Variants in TAFA2 observed in about 807,000 individuals in gnomAD.
The protein encoded by TAFA2 is TAFA chemokine like family member 2.
In TAFA2, 7 loss-of-function variants were observed where a neutral mutation model predicts 18.8. That is an observed-to-expected ratio of 0.37 (90% CI 0.21 to 0.70). The LOEUF (loss-of-function observed/expected upper bound fraction) is 0.70. Ranked by LOEUF, TAFA2 falls within the 30% of genes least tolerant of loss-of-function variation. The pLI is 0.53. For synonymous variants in TAFA2, 60 were observed against 54.2 expected (o/e 1.11, Z -0.47); for missense variants, 122 against 158.1 (o/e 0.77, Z 1.23).
intron 2 of TAFA2, among the ~76,000 whole-genome samples, chr12:61,832,523 C>G (rs1390831957): frequency 6.6e-6 from 1 of 152,042 alleles, no homozygotes; most frequent in Non-Finnish European, 1.5e-5. Context: ...CAAGCCACCC[C>G]CACTAGGCTT....
intron 2 of TAFA2, among the ~76,000 whole-genome samples, chr12:61,769,843 C>A (rs181097187): frequency 6.6e-6 from 1 of 152,100 alleles, no homozygotes; most frequent in East Asian, 1.9e-4. Flanking sequence ...ATTAGCACCC[C>A]CAAAAGATCA....
chr12:62,125,244 C>T (rs1870402331), intron 1 of TAFA2, among the ~76,000 whole-genome samples: 1 of 151,978 alleles, frequency 6.6e-6, no homozygotes, highest in Non-Finnish European at 1.5e-5. Context: ...CTCTGGAGTC[C>T]TCACCCTTAG....
At chr12:62,131,815 TA>T (rs1164794529) in intron 1 of TAFA2, among the ~76,000 whole-genome samples, 1 of 152,016 alleles carries the variant, frequency 6.6e-6, no homozygotes, top group East Asian at 1.9e-4. Flanking sequence ...TTCAACCTAT[TA>T]AATAAGCCAA....
intron 1 of TAFA2, among the ~76,000 whole-genome samples, chr12:62,158,565 T>C (rs1027052487): frequency 3.9e-5 from 6 of 152,244 alleles, no homozygotes; most frequent in Admixed American, 6.5e-5. Flanking sequence ...CTAACTTTCC[T>C]AGACTAAGGA....
intron 4 of TAFA2, among the ~76,000 whole-genome samples, chr12:61,714,648 T>C (rs1468402455): frequency 6.6e-6 from 1 of 152,210 alleles, no homozygotes; most frequent in East Asian, 1.9e-4. Context: ...TGAAATTAGG[T>C]GAACTCAATT....
chr12:61,889,782 T>C (rs1007053791), intron 1 of TAFA2, among the ~76,000 whole-genome samples: 4 of 152,228 alleles, frequency 2.6e-5, no homozygotes, highest in African/African-American at 9.6e-5. Flanking sequence ...TTCTGTCATT[T>C]AGAGACTTTT....
intron 1 of TAFA2, among the ~76,000 whole-genome samples, chr12:62,094,117 G>C (rs150889238): frequency 0.013 from 2,036 of 152,160 alleles, 19 homozygotes; most frequent in Middle Eastern, 0.027. Context: ...GACACTAGAA[G>C]CTAATGTTCC....
intron 1 of TAFA2, among the ~76,000 whole-genome samples, chr12:62,011,631 GC>G (rs1274206702): frequency 6.6e-6 from 1 of 151,774 alleles, no homozygotes; most frequent in Admixed American, 6.6e-5. Flanking sequence ...AGGGACCTCT[GC>G]CTAGGAAAAC....
At chr12:61,755,181 G>T (rs1355203558) in intron 2 of TAFA2, among the ~76,000 whole-genome samples, 157 bp from the exon 3 acceptor site, 1 of 152,062 alleles carries the variant, frequency 6.6e-6, no homozygotes, top group East Asian at 1.9e-4. Context: ...ATGCAGATTT[G>T]ATTTCTTTTC....
intron 1 of TAFA2, among the ~76,000 whole-genome samples, chr12:62,069,267 A>G (rs1882567357): frequency 6.6e-6 from 1 of 152,200 alleles, no homozygotes; most frequent in African/African-American, 2.4e-5. Flanking sequence ...GGGGCAGGAA[A>G]GAATCAAAAC....
intron 1 of TAFA2, among the ~76,000 whole-genome samples, chr12:62,207,841 G>A (rs2062698499): frequency 6.6e-6 from 1 of 152,172 alleles, no homozygotes; most frequent in Admixed American, 6.5e-5. Context: ...AGAGTATCTA[G>A]GTATGAAAGA....
chr12:61,971,394 G>A (rs538123697), intron 1 of TAFA2, among the ~76,000 whole-genome samples: 1 of 151,704 alleles, frequency 6.6e-6, no homozygotes, highest in East Asian at 1.9e-4. Flanking sequence ...GTTAAATGAC[G>A]AGTTAATGGG....
chr12:61,799,110 T>C (rs1308551272), intron 2 of TAFA2, among the ~76,000 whole-genome samples: 1 of 152,244 alleles, frequency 6.6e-6, no homozygotes, highest in East Asian at 1.9e-4. Flanking sequence ...TATCAACTTT[T>C]GTGATTAAAA....
intron 1 of TAFA2, among the ~76,000 whole-genome samples, chr12:62,011,576 C>T (rs1043890751): frequency 2.0e-5 from 3 of 152,048 alleles, no homozygotes; most frequent in Admixed American, 1.3e-4. Context: ...CATCACCACT[C>T]CCTAATCTCA....
chr12:61,960,477 T>C (rs1031371656), intron 1 of TAFA2, among the ~76,000 whole-genome samples: 3 of 152,112 alleles, frequency 2.0e-5, no homozygotes, highest in Admixed American at 6.6e-5. Context: ...ACTAAGTTTA[T>C]AGTGACTCAT....
At chr12:62,168,965 C>A (rs1297070795) in intron 1 of TAFA2, among the ~76,000 whole-genome samples, 1 of 151,828 alleles carries the variant, frequency 6.6e-6, no homozygotes, top group Non-Finnish European at 1.5e-5. Flanking sequence ...CACACACACA[C>A]ACACACATAT....
At chr12:62,139,936 C>T (rs1255238701) in intron 1 of TAFA2, 2 of 152,132 alleles carry the variant, frequency 1.3e-5, no homozygotes, top group Admixed American at 6.5e-5. Flanking sequence ...ACTCAATAAA[C>T]ATTGGTTTCT....
At chr12:61,845,953 G>C (rs1873386377) in intron 2 of TAFA2, among the ~76,000 whole-genome samples, 2 of 152,052 alleles carry the variant, frequency 1.3e-5, no homozygotes, top group South Asian at 4.2e-4. Context: ...AACACTACAA[G>C]GGAATAGTTG....
At chr12:61,720,121 T>C (rs1869834478) in intron 4 of TAFA2, among the ~76,000 whole-genome samples, 1 of 152,126 alleles carries the variant, frequency 6.6e-6, no homozygotes, top group Non-Finnish European at 1.5e-5. Flanking sequence ...TAATCTTGAA[T>C]TTCCAAAGTG....
Sources: gnomAD v4.1 joint callset for allele counts (sites outside exome capture counted in the v4.1 genomes callset) on GRCh38, gnomAD v4.1.1 for gene constraint, MANE v1.5 for transcripts, NCBI Gene and HGNC (gene_info 2026-07-23, HGNC 2026-07-21) for gene names.